Variants in ZBTB11 observed in about 807,000 individuals in gnomAD.
ZBTB11 encodes the protein zinc finger and BTB domain containing 11, also known as zinc finger and BTB domain-containing protein 11.
ZBTB11 carries 68 observed loss-of-function variants against 113.1 expected under a neutral mutation model. That is an observed-to-expected ratio of 0.60 (90% CI 0.49 to 0.74). ZBTB11 has a LOEUF of 0.74. Among genes scored for constraint, ZBTB11 ranks in the 30% least tolerant of loss-of-function variants. The pLI is 0.00. For synonymous variants in ZBTB11, 518 were observed against 452.6 expected, an observed-to-expected ratio of 1.14 and a Z score of -1.83; for missense variants, 1,104 against 1,279.4, an observed-to-expected ratio of 0.86 and a Z score of 2.09.
At chr3:101,669,420 A>T (rs1012918087) in intron 3 of ZBTB11, among the ~76,000 whole-genome samples, 1 of 152,242 alleles carries the variant, frequency 6.6e-6, no homozygotes, top group Admixed American at 6.5e-5. Flanking sequence ...AATATACAAA[A>T]ATATGCATAT....
At chr3:101,662,078 A>G (rs1348751976) in intron 5 of ZBTB11, 1 of 152,012 alleles carries the variant, frequency 6.6e-6, no homozygotes, top group East Asian at 1.9e-4. Flanking sequence ...AGTCAAGTGC[A>G]GTAGTGAGAA....
chr3:101,674,034 GTT>G (rs34193191), intron 1 of ZBTB11, among the ~76,000 whole-genome samples: 7 of 139,700 alleles, frequency 5.0e-5, no homozygotes, highest in Admixed American at 7.2e-5. Context: ...CACAGAGACT[GTT>G]TTTTTTTTTT....
At chr3:101,665,961 T>G (rs1308212941) in intron 3 of ZBTB11, among the ~76,000 whole-genome samples, 153 bp from the exon 4 acceptor site, 1 of 152,252 alleles carries the variant, frequency 6.6e-6, no homozygotes, top group African/African-American at 2.4e-5. Flanking sequence ...TGGTTTCTTA[T>G]TAAACCTTGA....
intron 1 of ZBTB11, among the ~76,000 whole-genome samples, chr3:101,673,429 A>C (rs1192699331): frequency 2.6e-5 from 4 of 152,206 alleles, no homozygotes; most frequent in Admixed American, 6.5e-5. Flanking sequence ...GTACAAATGA[A>C]AAGGTTATGA....
Position 101,677,030 on chromosome 3 carries a change from T to C in ZBTB11, c.-116A>G. On this transcript the variant is annotated 5_prime_UTR_variant, in exon 1 of 11. Transcript: ENST00000312938. ...CCGTAGGGAGAAACGGCTGCGCCTT[T>C]GGCGAGCGCTCTTCGACGGCTCCCT... is the stretch of plus-strand genomic sequence containing the variant. 8.3e-7 allele frequency: 1 copy of C among 1,205,666 alleles called. No individual in the cohort carries two copies. The highest frequency in any genetic ancestry group is 1.1e-6 in the Non-Finnish European group (1 of 891,914). The allele number at this position is 1,205,666 out of a possible 1,614,324, so 74.7% of individuals were successfully genotyped here.
At chr3:101,671,394 T>C in intron 2 of ZBTB11, 33 bp from the exon 3 acceptor site, 2 of 1,527,096 alleles carry the variant, frequency 1.3e-6, no homozygotes, top group South Asian at 1.1e-5. Flanking sequence ...AAGAGTAACA[T>C]ATTACCTGTA....
intron 8 of ZBTB11, among the ~76,000 whole-genome samples, chr3:101,653,392 G>A (rs1166860051): frequency 2.0e-5 from 3 of 152,136 alleles, no homozygotes; most frequent in Admixed American, 6.5e-5. Context: ...AACTCTCAGG[G>A]CTTTGATGGA....
chr3:101,662,337 T>C (rs575126130), intron 5 of ZBTB11, among the ~76,000 whole-genome samples: 1 of 152,140 alleles, frequency 6.6e-6, no homozygotes, highest in African/African-American at 2.4e-5. Flanking sequence ...TTTAAAAACA[T>C]AGTACCGCTG....
chr3:101,650,045 CTT>C lies in ZBTB11; in HGVS notation c.*1119_*1120del, dbSNP rs1216206045. The C allele has an allele frequency of 6.6e-6, 1 of 152,448 alleles. No homozygotes were observed. The highest frequency in any genetic ancestry group is 1.5e-5 in the Non-Finnish European group (1 of 67,974). The allele number at this position is 152,448 out of a possible 1,614,324, so 9.4% of individuals were successfully genotyped here. A position where few individuals can be genotyped will look rare whatever the true frequency, so the allele number is the denominator to read the frequency against. On this transcript the variant is annotated 3_prime_UTR_variant, in exon 11 of 11. Transcript: ENST00000312938. ...AAATCAAACATATGAATTAATATAA[CTT>C]AGTTTTCATAACCTTTAAAAATAAT...
At chr3:101,669,389 C>A (rs1341420622) in intron 3 of ZBTB11, among the ~76,000 whole-genome samples, 5 of 152,100 alleles carry the variant, frequency 3.3e-5, no homozygotes, top group African/African-American at 4.8e-5. Context: ...CTATGATTGG[C>A]TTACATAATA....
At chr3:101,656,674 G>A (rs1377845051) in intron 6 of ZBTB11, among the ~76,000 whole-genome samples, 2 of 152,080 alleles carry the variant, frequency 1.3e-5, no homozygotes, top group Non-Finnish European at 2.9e-5. Context: ...TCCACTGGGA[G>A]AAATTTTTGT....
intron 6 of ZBTB11, among the ~76,000 whole-genome samples, chr3:101,657,533 G>A (rs1936820595): frequency 1.3e-5 from 2 of 151,658 alleles, no homozygotes; most frequent in Non-Finnish European, 2.9e-5. Flanking sequence ...AAACCTGGCA[G>A]GGTGGGGGTG....
intron 8 of ZBTB11, among the ~76,000 whole-genome samples, chr3:101,654,276 G>A (rs1449797868): frequency 6.6e-6 from 1 of 152,158 alleles, no homozygotes; most frequent in Non-Finnish European, 1.5e-5. Flanking sequence ...TCTGACTTCA[G>A]ATGATCTGCC....
At position 101,675,057 on chromosome 3, in the gene ZBTB11, C is replaced by T. The variant is rs991456429; in HGVS notation, c.310+1548G>A. Reference sequence around the variant, plus strand: ...TCACTGCACCAAGCAAGACCCCCTACGCTCTGTCTCCAAAAAAGGGAGATA... The same window carrying T: ...TCACTGCACCAAGCAAGACCCCCTATGCTCTGTCTCCAAAAAAGGGAGATA... On this transcript the variant is annotated intron_variant, in intron 1 of 10. Coordinates refer to ENST00000312938, the MANE Select transcript of ZBTB11 (RefSeq NM_014415.4). Among the ~76,000 whole-genome samples the T allele has an allele frequency of 1.3e-4, 20 of 152,304 alleles. No individual in the cohort carries two copies. The South Asian group carries it at 2.1e-3, about 16-fold the overall frequency.
In ZBTB11 at chr3:101,664,728, G is replaced by C; in HGVS notation, c.1624-14C>G. 1 of 1,573,446 alleles carries C rather than the reference G, an allele frequency of 6.4e-7. No homozygotes were observed. The highest frequency in any genetic ancestry group is 8.6e-7 in the Non-Finnish European group (1 of 1,166,100). On this transcript the variant is annotated splice_polypyrimidine_tract_variant and intron_variant, in intron 4 of 10. Transcript: ENST00000312938. ...CTTCTGAGCCACCTAGTAAGGGATA[G>C]AAATCACAATCTAAGTAAATCTACT...
rs1337483293 is a variant in ZBTB11, at chr3:101,659,884, G to A, written c.1945C>T (p.Arg649Trp). 2.5e-6 allele frequency: 4 copies of A among 1,613,958 alleles called. No homozygotes were observed. The highest frequency in any genetic ancestry group is 2.2e-5 in the East Asian group (1 of 44,892). The change falls in exon 6 of 11, where the codon CGG (arginine) becomes TGG (tryptophan). Residue 649 changes from arginine to tryptophan, a missense_variant. Around this residue, in one of 5 missense-constraint regions of ZBTB11, gnomAD observed 535 missense variants for 518.6 expected, o/e 1.03. Coordinates refer to ENST00000312938, the MANE Select transcript of ZBTB11 (RefSeq NM_014415.4). Reference protein sequence around the residue: ...GTSSEKGRTKREFICSICGRT... With the variant: ...GTSSEKGRTKWEFICSICGRT... ...CCACATATGGAACATATAAATTCCC[G>A]CTTGGTTCTGCCCTTCTCAGATGAT...
intron 5 of ZBTB11, among the ~76,000 whole-genome samples, chr3:101,662,418 AG>A (rs1306003135): frequency 1.3e-5 from 2 of 152,180 alleles, no homozygotes; most frequent in Non-Finnish European, 2.9e-5. Context: ...TGAGGTCAGG[AG>A]TTCGAGACCA....
chr3:101,676,547 G>A (rs965858484), intron 1 of ZBTB11, 58 bp downstream of exon 1: 9 of 1,422,730 alleles, frequency 6.3e-6, no homozygotes, highest in South Asian at 1.5e-5. Flanking sequence ...CCTCGCCAGC[G>A]AGCCTTGCCC....
At position 101,650,980 on chromosome 3, in the gene ZBTB11, C is replaced by T. The variant is rs72933821; in HGVS notation, c.*186G>A. ...CCTAATAGATCTGTTTTCAATTTCT[C>T]TACACTAAACGGACTTTTCTATAGA... On this transcript the variant is annotated 3_prime_UTR_variant, in exon 11 of 11. Coordinates refer to ENST00000312938, the MANE Select transcript of ZBTB11 (RefSeq NM_014415.4). The T allele has an allele frequency of 1.1e-3, 613 of 537,486 alleles. 4 individuals carry two copies. Among genetic ancestry groups the T allele is most frequent in the African/African-American group, 0.01 (541 of 51,840 alleles). The allele number at this position is 537,486 out of a possible 1,614,324, so 33.3% of individuals were successfully genotyped here.
Sources: allele counts gnomAD v4.1 joint callset (sites outside exome capture counted in the v4.1 genomes callset), GRCh38; gene constraint gnomAD v4.1.1; regional missense constraint gnomAD v4.1.1; transcripts MANE v1.5; gene names NCBI Gene and HGNC (gene_info 2026-07-23, HGNC 2026-07-21).